CCDC60: variants seen among roughly 807,000 people sequenced by gnomAD.
CCDC60 encodes the protein coiled-coil domain containing 60.
Under a neutral mutation model 63.5 loss-of-function variants are expected in CCDC60, and 54 were observed. The ratio of observed to expected loss-of-function variants is 0.85; its 90% CI spans 0.68 to 1.07. CCDC60 has a LOEUF of 1.07. Ranked by LOEUF, CCDC60 falls within the 50% of genes least tolerant of loss-of-function variation. CCDC60 has a pLI of 0.00. For missense variants in CCDC60, 651 were observed against 684.3 expected, an observed-to-expected ratio of 0.95 and a Z score of 0.54; for synonymous variants, 206 against 238.8, an observed-to-expected ratio of 0.86 and a Z score of 1.27.
At chr12:119,445,433 CA>C (rs58415660) in intron 2 of CCDC60, among the ~76,000 whole-genome samples, 3,068 of 27,160 alleles carry the variant, frequency 0.11, 7 homozygotes, top group Non-Finnish European at 0.13. Flanking sequence ...GACTCCATCT[CA>C]AAAAAAAAAA....
chr12:119,387,077 C>G (rs563252776), intron 1 of CCDC60, among the ~76,000 whole-genome samples: 1 of 149,670 alleles, frequency 6.7e-6, no homozygotes, highest in Non-Finnish European at 1.5e-5. Context: ...CACACACACT[C>G]TCCAATTAAA....
At chr12:119,441,066 GT>G (rs1950435503) in intron 2 of CCDC60, among the ~76,000 whole-genome samples, 1 of 152,178 alleles carries the variant, frequency 6.6e-6, no homozygotes, top group African/African-American at 2.4e-5. Context: ...GACCCCAGCT[GT>G]GGGGCTGCAG....
Position 119,392,197 on chromosome 12 carries a change from G to A in CCDC60, c.91-36486G>A, listed in dbSNP as rs192422399. On this transcript the variant is annotated intron_variant, in intron 1 of 13. Coordinates refer to ENST00000327554, the MANE Select transcript of CCDC60 (RefSeq NM_178499.5). ...GGTCCCAAGACCTAGGATATCACTG[G>A]TCTAGGATATCCATCACTTCATCTT... Among the ~76,000 whole-genome samples, 52 of 152,242 alleles carry A rather than the reference G, an allele frequency of 3.4e-4. 1 individual carries two copies. The highest frequency in any genetic ancestry group is 3.4e-3 in the Middle Eastern group (1 of 294).
intron 2 of CCDC60, among the ~76,000 whole-genome samples, chr12:119,448,100 G>T (rs1013863089): frequency 6.6e-6 from 1 of 151,698 alleles, no homozygotes; most frequent in African/African-American, 2.4e-5. Flanking sequence ...CTAATGTACA[G>T]CATGATGCCT....
intron 13 of CCDC60, among the ~76,000 whole-genome samples, chr12:119,532,533 C>T (rs1952881512): frequency 6.6e-6 from 1 of 151,764 alleles, no homozygotes; most frequent in Admixed American, 6.6e-5. Context: ...AACCCATCAT[C>T]TACATTAGGT....
At chr12:119,400,413 A>G (rs1224138233) in intron 1 of CCDC60, among the ~76,000 whole-genome samples, 1 of 152,256 alleles carries the variant, frequency 6.6e-6, no homozygotes, top group Non-Finnish European at 1.5e-5. Context: ...AAGATAATTG[A>G]TGGAGACGAG....
intron 1 of CCDC60, among the ~76,000 whole-genome samples, chr12:119,370,304 A>G (rs1022483844): frequency 1.3e-5 from 2 of 152,256 alleles, no homozygotes; most frequent in African/African-American, 4.8e-5. Flanking sequence ...TCAGGCAGAC[A>G]GTGCGCCCCG....
intron 2 of CCDC60, among the ~76,000 whole-genome samples, chr12:119,468,798 G>T (rs1162777976): frequency 6.6e-6 from 1 of 151,890 alleles, no homozygotes; most frequent in Non-Finnish European, 1.5e-5. Context: ...TTTAGGCCAG[G>T]TGCAGTGGCT....
chr12:119,409,343 A>G (rs1363710115), intron 1 of CCDC60, among the ~76,000 whole-genome samples: 2 of 152,002 alleles, frequency 1.3e-5, no homozygotes, highest in Non-Finnish European at 2.9e-5. Flanking sequence ...ATATTGTAGG[A>G]TGTTTAGCAG....
At chr12:119,532,396 C>CTATTATTATTATTATTATTAT (rs71451846) in intron 13 of CCDC60, among the ~76,000 whole-genome samples, 9 of 142,332 alleles carry the variant, frequency 6.3e-5, no homozygotes, top group Non-Finnish European at 9.1e-5. Context: ...CATCACAGAA[C>CTATTATTATTATTATTATTAT]TATTATTATT....
At chr12:119,394,125 G>A (rs1416483504) in intron 1 of CCDC60, among the ~76,000 whole-genome samples, 2 of 152,086 alleles carry the variant, frequency 1.3e-5, no homozygotes, top group East Asian at 1.9e-4. Flanking sequence ...GGCATTCTGT[G>A]TTCACTAAGT....
intron 1 of CCDC60, among the ~76,000 whole-genome samples, chr12:119,389,767 TCAC>T (rs535225853): frequency 1.2e-3 from 186 of 151,996 alleles, no homozygotes; most frequent in African/African-American, 4.3e-3. Context: ...CTTCCACAAA[TCAC>T]CACCAACACA....
At chr12:119,412,271 T>TAA (rs375576526) in intron 1 of CCDC60, among the ~76,000 whole-genome samples, 23 of 146,078 alleles carry the variant, frequency 1.6e-4, no homozygotes, top group African/African-American at 2.8e-4. Context: ...CTCTTCACAT[T>TAA]AAAAAAAAAA....
intron 8 of CCDC60, among the ~76,000 whole-genome samples, chr12:119,516,989 A>G (rs1439588591): frequency 1.3e-5 from 2 of 151,936 alleles, no homozygotes; most frequent in Non-Finnish European, 2.9e-5. Context: ...CTTTCTTACC[A>G]ATTTATTTTT....
intron 1 of CCDC60, among the ~76,000 whole-genome samples, chr12:119,352,442 C>A (rs1206970431): frequency 1.3e-5 from 2 of 152,164 alleles, no homozygotes; most frequent in African/African-American, 4.8e-5. Context: ...AAGGTGTTAT[C>A]ACCTCTTTTT....
chr12:119,372,699 G>A (rs1368492217), intron 1 of CCDC60, among the ~76,000 whole-genome samples: 1 of 152,096 alleles, frequency 6.6e-6, no homozygotes, highest in Non-Finnish European at 1.5e-5. Flanking sequence ...CAGCAGGCAT[G>A]ACATAGATTT....
intron 1 of CCDC60, among the ~76,000 whole-genome samples, chr12:119,399,007 A>C (rs1459268420): frequency 6.6e-6 from 1 of 152,202 alleles, no homozygotes; most frequent in East Asian, 1.9e-4. Context: ...GGGAGGTTCT[A>C]ACTTGCCCAG....
intron 1 of CCDC60, among the ~76,000 whole-genome samples, chr12:119,383,563 G>A (rs930325481): frequency 6.6e-6 from 1 of 152,220 alleles, no homozygotes; most frequent in Non-Finnish European, 1.5e-5. Context: ...GGCTGTGTGC[G>A]AGAGCAGAAG....
chr12:119,517,475 T>C (rs1254662120), intron 8 of CCDC60, among the ~76,000 whole-genome samples: 1 of 152,164 alleles, frequency 6.6e-6, no homozygotes, highest in East Asian at 1.9e-4. Flanking sequence ...TGAGAACAAA[T>C]AATAATGGCA....
Sources: allele counts gnomAD v4.1 joint callset (sites outside exome capture counted in the v4.1 genomes callset), GRCh38; gene constraint gnomAD v4.1.1; transcripts MANE v1.5; gene names NCBI Gene and HGNC (gene_info 2026-07-23, HGNC 2026-07-21).